The following DIDO1 variants were observed in gnomAD, a reference collection of about 807,000 sequenced individuals.
DIDO1 encodes death-inducer obliterator 1.
Under a neutral mutation model 99.4 loss-of-function variants are expected in DIDO1, and 16 were observed. The ratio of observed to expected loss-of-function variants is 0.16; its 90% CI spans 0.11 to 0.24. The LOEUF (loss-of-function observed/expected upper bound fraction) is 0.24, where lower values mean the gene tolerates loss of function less well. DIDO1 is among the 10% of genes least tolerant of loss of function. The probability of loss-of-function intolerance (pLI) is 1.00; values close to 1 mark genes in which losing one functional copy is unlikely to be tolerated. For synonymous variants in DIDO1, 1,366 were observed against 1,239.1 expected (o/e 1.10, Z -2.15); for missense variants, 2,996 against 3,014.0 (o/e 0.99, Z 0.14).
At chr20:62,883,576 C>T (rs147499996) in intron 15 of DIDO1, among the ~76,000 whole-genome samples, 11,797 of 152,024 alleles carry the variant, frequency 0.078, 496 homozygotes, top group African/African-American at 0.11. Flanking sequence ...CCTGTAATCC[C>T]AGCACTTTGG....
intron 2 of DIDO1, among the ~76,000 whole-genome samples, chr20:62,912,694 C>A (rs566036142): frequency 4.6e-5 from 7 of 152,142 alleles, no homozygotes; most frequent in Non-Finnish European, 1.0e-4. Context: ...ATGCCATGTT[C>A]CATCCTGGGG....
At chr20:62,895,724 G>A (rs986474932) in intron 8 of DIDO1, among the ~76,000 whole-genome samples, 1 of 152,212 alleles carries the variant, frequency 6.6e-6, no homozygotes, top group African/African-American at 2.4e-5. Flanking sequence ...CTCGTCGCAT[G>A]GCCCATGCTG....
At chr20:62,907,113 C>T (rs780387852) in intron 5 of DIDO1, 34 bp downstream of exon 5, 2 of 1,609,422 alleles carry the variant, frequency 1.2e-6, no homozygotes, top group South Asian at 2.2e-5. Flanking sequence ...GCCTGTGCGT[C>T]CACTGCCTGG....
chr20:62,910,111 A>G, intron 3 of DIDO1, 91 bp from the exon 4 acceptor site: 1 of 1,331,040 alleles, frequency 7.5e-7, no homozygotes, highest in Non-Finnish European at 1.0e-6. Context: ...TAACTTCATG[A>G]AAAAATGCAA....
Position 62,896,462 on chromosome 20 carries a change from A to G in DIDO1, c.2054+69T>C. ...ATTAAACTTTTTGAACAGTGAGGCAATCCTGCAGCCACACTCTAATGAAAG... is the reference window on the plus strand; with the variant it reads ...ATTAAACTTTTTGAACAGTGAGGCAGTCCTGCAGCCACACTCTAATGAAAG... On this transcript the variant is annotated intron_variant, in intron 7 of 15. Transcript: ENST00000395343. This position sits in a 1 kb window ranked among gnomAD's most constrained non-coding sequence, Gnocchi z 4.4. 1 of 1,588,612 alleles carries G rather than the reference A, an allele frequency of 6.3e-7. No homozygotes were observed. The highest frequency in any genetic ancestry group is 2.2e-5 in the East Asian group (1 of 44,748).
At chr20:62,924,211 T>C (rs893218832) in intron 1 of DIDO1, among the ~76,000 whole-genome samples, 3 of 152,172 alleles carry the variant, frequency 2.0e-5, no homozygotes. Flanking sequence ...ACCCCGTCAT[T>C]TAAATAAGAA....
intron 2 of DIDO1, among the ~76,000 whole-genome samples, chr20:62,912,781 C>T (rs1165498127): frequency 6.6e-6 from 1 of 152,232 alleles, no homozygotes; most frequent in Non-Finnish European, 1.5e-5. Flanking sequence ...CCCATAATCC[C>T]AGCACTTCGG....
In DIDO1 at chr20:62,891,137, A is replaced by G; in HGVS notation, c.3364T>C (p.Phe1122Leu). 6.2e-7 allele frequency: 1 copy of G among 1,614,052 alleles called. No homozygotes were observed. The highest frequency in any genetic ancestry group is 8.5e-7 in the Non-Finnish European group (1 of 1,180,040). Residue 1122 changes from phenylalanine (F) to leucine (L), a missense_variant, in exon 15 of 16, where the codon TTC becomes CTC. By Grantham distance (22) the Phe-to-Leu change is conservative. Coordinates refer to ENST00000395343, the MANE Select transcript of DIDO1 (RefSeq NM_001193369.2). ...TCCTCTTCCTCTGTGGCGGGGTGGAAGCGGATCAGACAGAGCTCCTGCAAT... is the reference window on the plus strand; with the variant it reads ...TCCTCTTCCTCTGTGGCGGGGTGGAGGCGGATCAGACAGAGCTCCTGCAAT... ...SVSKELCLIR[F>L]HPATEEEEVA... is the part of the protein sequence containing the mutation.
At chr20:62,900,649 GGGAAA>G (rs1337198981) in intron 6 of DIDO1, among the ~76,000 whole-genome samples, 2 of 152,218 alleles carry the variant, frequency 1.3e-5, no homozygotes, top group Non-Finnish European at 2.9e-5. Context: ...GCTCCCCACA[GGGAAA>G]GGAACTGGTT....
Position 62,894,240 on chromosome 20 carries a change from C to T in DIDO1, c.2573-46G>A. ...CTCTGTGAGAAACCCAGCCGGCACACTGGTGTTTCTCACACAAAGCCGAAA... is the reference window on the plus strand; with the variant it reads ...CTCTGTGAGAAACCCAGCCGGCACATTGGTGTTTCTCACACAAAGCCGAAA... On this transcript the variant is annotated intron_variant, in intron 11 of 15. Transcript: ENST00000395343. This position sits in a 1 kb window ranked among gnomAD's most constrained non-coding sequence, Gnocchi z 4.4. The T allele has an allele frequency of 2.9e-5, 46 of 1,593,594 alleles. No individual in the cohort carries two copies. The highest frequency in any genetic ancestry group is 3.9e-5 in the Non-Finnish European group (45 of 1,167,646).
Position 62,878,912 on chromosome 20 carries a change from CTA to C in DIDO1, c.*319_*320del. 4.2e-6 allele frequency: 1 copy of C among 235,948 alleles called. No homozygotes were observed. The highest frequency in any genetic ancestry group is 8.1e-6 in the Non-Finnish European group (1 of 123,832). The allele number at this position is 235,948 out of a possible 1,614,324, so 14.6% of individuals were successfully genotyped here. A position where few individuals can be genotyped will look rare whatever the true frequency, so the allele number is the denominator to read the frequency against. ...ATGAGATGTCAGTGAAGGTATGGCT[CTA>C]GGGTCCAACGAAACTCCCTTAAAAT... On this transcript the variant is annotated 3_prime_UTR_variant, in exon 16 of 16. Transcript: ENST00000395343.
At position 62,890,954 on chromosome 20, in the gene DIDO1, G is replaced by T. The variant is rs765548395; in HGVS notation, c.3541+6C>A. 1 of 1,613,654 alleles carries T rather than the reference G, an allele frequency of 6.2e-7. No homozygotes were observed. Among genetic ancestry groups the T allele is most frequent in the Non-Finnish European group, 8.5e-7 (1 of 1,180,038 alleles). On this transcript the variant is annotated splice_donor_region_variant and intron_variant, in intron 15 of 15. Transcript: ENST00000395343. ...CCTCACCTCCACCCAGAAAGCCGGC[G>T]CTTACCTGGTCCCTCAAAGGGCAAG...
chr20:62,887,500 C>T, intron 15 of DIDO1: 9 of 985,462 alleles, frequency 9.1e-6, no homozygotes, highest in Non-Finnish European at 1.1e-5. Context: ...CGAGCAGCTA[C>T]AGAGGGCGGT....
chr20:62,927,531 G>A (rs974829622), upstream of DIDO1, among the ~76,000 whole-genome samples: 23 of 152,352 alleles, frequency 1.5e-4, no homozygotes, highest in Middle Eastern at 3.4e-3. Context: ...CCTGGGGGGG[G>A]TGGAGGTGGC....
rs757094459 is a variant in DIDO1 at position 62,881,482 on chromosome 20, G to C, written c.4474C>G (p.Gln1492Glu). Residue 1492 changes from glutamine (Q) to glutamate (E), a missense_variant, in exon 16 of 16, where the codon CAG becomes GAG. Transcript: ENST00000395343. The surrounding 1 kb of genome is among the most constrained non-coding windows in gnomAD (Gnocchi z 8.3). ...AGAGCTTCTTCTTGCTCCTCCAGCTGTCTCTTCTGCTCCTCGATCTGTTTG... is the reference window on the plus strand; with the variant it reads ...AGAGCTTCTTCTTGCTCCTCCAGCTCTCTCTTCTGCTCCTCGATCTGTTTG... ...LNKQIEEQKR[Q>E]LEEQEEALRQ... The C allele has an allele frequency of 6.2e-7, 1 of 1,610,492 alleles. No homozygotes were observed.
chr20:62,908,743 C>T (rs1274596431), intron 4 of DIDO1, among the ~76,000 whole-genome samples: 2 of 152,114 alleles, frequency 1.3e-5, no homozygotes, highest in African/African-American at 2.4e-5. Context: ...CTTGTAGTCC[C>T]AGCTACTTGG....
rs763779161 is a variant in DIDO1 at position 62,879,273 on chromosome 20, G to C, written c.6683C>G (p.Ala2228Gly). The change falls in exon 16 of 16, where the codon GCC becomes GGC. Residue 2228 changes from alanine (A) to glycine (G), a missense_variant. Ala to Gly is a moderately conservative substitution (Grantham distance 60, BLOSUM62 0). Coordinates refer to ENST00000395343, the MANE Select transcript of DIDO1 (RefSeq NM_001193369.2). This position sits in a 1 kb window ranked among gnomAD's most constrained non-coding sequence, Gnocchi z 6.3. Reference protein sequence around the residue: ...KESARDPKPEASRASDAGTAS... With the variant: ...KESARDPKPEGSRASDAGTAS... ...GGTGCCAGCGTCGGAGGCCCTCGAGGCCTCGGGCTTCGGGTCCCGAGCGCT... is the reference window on the plus strand; with the variant it reads ...GGTGCCAGCGTCGGAGGCCCTCGAGCCCTCGGGCTTCGGGTCCCGAGCGCT... The C allele has an allele frequency of 4.5e-6, 7 of 1,572,866 alleles. No homozygotes were observed. Among genetic ancestry groups the C allele is most frequent in the Non-Finnish European group, 6.0e-6 (7 of 1,162,976 alleles).
intron 4 of DIDO1, among the ~76,000 whole-genome samples, chr20:62,909,307 T>C (rs991860577): frequency 3.3e-5 from 5 of 152,148 alleles, no homozygotes; most frequent in African/African-American, 1.2e-4. Context: ...TCAACACAGC[T>C]GCAAGACAGA....
At chr20:62,908,256 C>A (rs1027064933) in intron 4 of DIDO1, among the ~76,000 whole-genome samples, 6 of 152,170 alleles carry the variant, frequency 3.9e-5, no homozygotes, top group Admixed American at 3.3e-4. Context: ...GCTGGGATGA[C>A]AGGTGTGAGC....
Sources: allele counts gnomAD v4.1 joint callset (sites outside exome capture counted in the v4.1 genomes callset), GRCh38; gene constraint gnomAD v4.1.1; non-coding constraint Gnocchi (gnomAD v3.1); transcripts MANE v1.5; gene names NCBI Gene and HGNC (gene_info 2026-07-23, HGNC 2026-07-21).